Variants in USP45 observed in about 807,000 individuals in gnomAD.
The protein encoded by USP45 is ubiquitin specific peptidase 45, also known as ubiquitin carboxyl-terminal hydrolase 45.
In USP45, 89 loss-of-function variants were observed where a neutral mutation model predicts 95.8. That is an observed-to-expected ratio of 0.93 (90% CI 0.78 to 1.11). The LOEUF (loss-of-function observed/expected upper bound fraction) is 1.11, where lower values mean the gene tolerates loss of function less well. Among genes scored for constraint, USP45 ranks in the 50% least tolerant of loss-of-function variants. The probability of loss-of-function intolerance (pLI) is 0.00; values close to 1 mark genes in which losing one functional copy is unlikely to be tolerated. For synonymous variants in USP45, 281 were observed against 316.2 expected (o/e 0.89, Z 1.18); for missense variants, 898 against 942.5 (o/e 0.95, Z 0.62).
intron 9 of USP45, among the ~76,000 whole-genome samples, chr6:99,474,978 C>T (rs1790438813): frequency 6.6e-6 from 1 of 152,170 alleles, no homozygotes; most frequent in Non-Finnish European, 1.5e-5. Flanking sequence ...CAGGCTATTC[C>T]TTTTCTGAGA....
At chr6:99,496,341 G>A (rs1796289400) in intron 5 of USP45, among the ~76,000 whole-genome samples, 1 of 151,238 alleles carries the variant, frequency 6.6e-6, no homozygotes, top group Admixed American at 6.6e-5. Context: ...TACTGAAACA[G>A]GTCATAATAT....
intron 1 of USP45, chr6:99,515,019 T>A (rs1800850806): frequency 1.3e-5 from 2 of 152,210 alleles, no homozygotes. Flanking sequence ...AGAAAAGTCA[T>A]TAGACAGGCT....
At chr6:99,461,115 A>G (rs1786347386) in intron 13 of USP45, 57 of 984,846 alleles carry the variant, frequency 5.8e-5, no homozygotes, top group Non-Finnish European at 6.9e-5. Flanking sequence ...ATAAAAAAAA[A>G]ATCTTTCATA....
At chr6:99,486,692 A>T (rs1311420939) in intron 7 of USP45, among the ~76,000 whole-genome samples, 1 of 151,884 alleles carries the variant, frequency 6.6e-6, no homozygotes, top group Non-Finnish European at 1.5e-5. Context: ...ATATAAAACA[A>T]TACTGTCTTT....
Position 99,482,747 on chromosome 6 carries a change from A to G in USP45, c.845+6T>C. The stretch of plus-strand genomic sequence containing the variant: ...AATTATTTATATTAAATGTAGATGC[A>G]CCCACTTCTGACAAAGCTGATTAAA... On this transcript the variant is annotated splice_donor_region_variant and intron_variant, in intron 8 of 17. Transcript: ENST00000500704. The G allele has an allele frequency of 6.3e-7, 1 of 1,592,614 alleles. No individual in the cohort carries two copies. Among genetic ancestry groups the G allele is most frequent in the Non-Finnish European group, 8.5e-7 (1 of 1,171,450 alleles).
chr6:99,475,194 G>A (rs546629286), intron 9 of USP45, among the ~76,000 whole-genome samples: 1 of 152,124 alleles, frequency 6.6e-6, no homozygotes, highest in African/African-American at 2.4e-5. Flanking sequence ...GAAAAATGAA[G>A]AAAATTTACA....
At chr6:99,444,538 C>G (rs1204043043) in intron 14 of USP45, among the ~76,000 whole-genome samples, 1 of 152,094 alleles carries the variant, frequency 6.6e-6, no homozygotes, top group Non-Finnish European at 1.5e-5. Flanking sequence ...ACATGCAAAC[C>G]AATCCAGAGC....
intron 13 of USP45, among the ~76,000 whole-genome samples, chr6:99,447,706 G>C (rs200151330): frequency 3.3e-5 from 5 of 152,118 alleles, no homozygotes; most frequent in Non-Finnish European, 7.4e-5. Flanking sequence ...AGTGGTTCTC[G>C]CAGCACAGAG....
At chr6:99,512,515 T>A (rs528637171) in intron 1 of USP45, among the ~76,000 whole-genome samples, 14 of 152,346 alleles carry the variant, frequency 9.2e-5, no homozygotes, top group African/African-American at 3.4e-4. Context: ...TTGGAGTCTC[T>A]GTTAGAGTAG....
At chr6:99,465,796 C>G (rs1461246073) in intron 11 of USP45, among the ~76,000 whole-genome samples, 2 of 152,130 alleles carry the variant, frequency 1.3e-5, no homozygotes, top group Non-Finnish European at 2.9e-5. Context: ...CTATCATACT[C>G]TAAGTCATAC....
chr6:99,459,539 T>C (rs1286301773), intron 13 of USP45, among the ~76,000 whole-genome samples: 1 of 152,180 alleles, frequency 6.6e-6, no homozygotes, highest in African/African-American at 2.4e-5. Context: ...GTTCTGTTTT[T>C]AGCTCTTTGA....
Position 99,468,551 on chromosome 6 carries a change from C to A in USP45, c.1001G>T (p.Arg334Ile). 6.2e-7 allele frequency: 1 copy of A among 1,603,524 alleles called. No homozygotes were observed. Among genetic ancestry groups the A allele is most frequent in the East Asian group, 2.2e-5 (1 of 44,610 alleles). Residue 334 changes from arginine to isoleucine, a missense_variant, in exon 10 of 18, where the codon AGA becomes ATA. Transcript: ENST00000500704. ...AGTCAACATACCTTTGACTTTTTTT[C>A]TAGTTTCATCATCAGCAGTTTTAGT... The part of the protein sequence containing the change: ...PTTKTADDET[R>I]KKVKAYGKEG...
chr6:99,465,845 A>G (rs1029886596), intron 11 of USP45, among the ~76,000 whole-genome samples: 16 of 152,204 alleles, frequency 1.1e-4, no homozygotes, highest in African/African-American at 3.6e-4. Context: ...TTGAAAATCT[A>G]CAAAAAATTC....
chr6:99,492,600 T>G (rs1169757748), intron 5 of USP45, among the ~76,000 whole-genome samples: 1 of 151,956 alleles, frequency 6.6e-6, no homozygotes, highest in Non-Finnish European at 1.5e-5. Flanking sequence ...GTACAAGTGA[T>G]TCTCGTGCCT....
At chr6:99,495,220 T>A (rs1305243307) in intron 5 of USP45, among the ~76,000 whole-genome samples, 1 of 152,174 alleles carries the variant, frequency 6.6e-6, no homozygotes, top group Non-Finnish European at 1.5e-5. Flanking sequence ...TCCAAAAAAA[T>A]TTCACCTACA....
At chr6:99,441,953 C>T (rs182142282) in intron 15 of USP45, among the ~76,000 whole-genome samples, 2 of 152,202 alleles carry the variant, frequency 1.3e-5, no homozygotes, top group East Asian at 3.9e-4. Flanking sequence ...GATATACAGC[C>T]CTAAAGCTAC....
chr6:99,464,910 C>A, intron 12 of USP45, 163 bp from the exon 13 acceptor site: 1 of 989,008 alleles, frequency 1.0e-6, no homozygotes, highest in Non-Finnish European at 1.4e-6. Flanking sequence ...AACCATCATA[C>A]TTTATGCATA....
At chr6:99,448,090 A>G (rs1004838643) in intron 13 of USP45, among the ~76,000 whole-genome samples, 7 of 152,316 alleles carry the variant, frequency 4.6e-5, no homozygotes, top group Admixed American at 6.5e-5. Flanking sequence ...AAAGATGGGG[A>G]AAAAACAGAG....
At chr6:99,487,897 T>G (rs1043475457) in intron 7 of USP45, among the ~76,000 whole-genome samples, 2 of 152,088 alleles carry the variant, frequency 1.3e-5, no homozygotes, top group Non-Finnish European at 2.9e-5. Context: ...AACTACAAAA[T>G]AGGGGTTATA....
Sources: allele counts gnomAD v4.1 joint callset (sites outside exome capture counted in the v4.1 genomes callset), GRCh38; gene constraint gnomAD v4.1.1; transcripts MANE v1.5; gene names NCBI Gene and HGNC (gene_info 2026-07-23, HGNC 2026-07-21).